TRIP12: variants seen among roughly 807,000 people sequenced by gnomAD.
TRIP12 encodes the protein thyroid hormone receptor interactor 12.
Under a neutral mutation model 244.2 loss-of-function variants are expected in TRIP12, and 25 were observed. That is an observed-to-expected ratio of 0.10 (90% CI 0.07 to 0.14). The LOEUF is 0.14. Among genes scored for constraint, TRIP12 ranks in the 10% least tolerant of loss-of-function variants. TRIP12 has a pLI of 1.00. For synonymous variants in TRIP12, 905 were observed against 873.1 expected, an observed-to-expected ratio of 1.04 and a Z score of -0.64; for missense variants, 1,677 against 2,486.4, an observed-to-expected ratio of 0.67 and a Z score of 6.92.
intron 6 of TRIP12, among the ~76,000 whole-genome samples, chr2:229,833,391 G>A (rs140616881): frequency 2.0e-5 from 3 of 152,226 alleles, no homozygotes; most frequent in East Asian, 1.9e-4. Flanking sequence ...GGGCTCAAGC[G>A]ATCCTCCTGC....
Position 229,814,214 on chromosome 2 carries a change from C to G in TRIP12, c.1824+19G>C, listed in dbSNP as rs533783301. Reference sequence around the variant, plus strand: ...TCTACATAAAGTGAAATGTAGTCCCCTTCAGTAACAACACTTACCGCCTGT... The same window carrying G: ...TCTACATAAAGTGAAATGTAGTCCCGTTCAGTAACAACACTTACCGCCTGT... On this transcript the variant is annotated intron_variant, in intron 12 of 41. Coordinates refer to ENST00000675903, the MANE Select transcript of TRIP12 (RefSeq NM_001348323.3). 3 of 1,610,796 alleles carry G rather than the reference C, an allele frequency of 1.9e-6. No homozygotes were observed. The highest frequency in any genetic ancestry group is 2.7e-5 in the African/African-American group (2 of 74,944).
At chr2:229,851,313 A>G (rs2058660570) in intron 4 of TRIP12, among the ~76,000 whole-genome samples, 1 of 152,066 alleles carries the variant, frequency 6.6e-6, no homozygotes, top group Non-Finnish European at 1.5e-5. Flanking sequence ...GAATGCACCA[A>G]TCGACACTCT....
At position 229,794,566 on chromosome 2, in the gene TRIP12, A is replaced by AAAATAAAT. The variant is rs148461987; in HGVS notation, c.3968+605_3968+612dup. 2.3e-4 allele frequency among the ~76,000 whole-genome samples: 34 copies of AAAATAAAT among 149,920 alleles called. No homozygotes were observed. The South Asian group carries it at 6.6e-3, about 29-fold the overall frequency. On this transcript the variant is annotated intron_variant, in intron 26 of 41. Transcript: ENST00000675903. ...GGGCAACAAAGTAAGACTCTGTCCC[A>AAAATAAAT]AAATAAATAAATAAATAAATAAATA...
intron 18 of TRIP12, 134 bp from the exon 19 acceptor site, chr2:229,804,361 A>C: frequency 2.8e-6 from 2 of 706,980 alleles, no homozygotes; most frequent in Non-Finnish European, 4.7e-6. Context: ...GAACACATGA[A>C]CTTCTATGAT....
chr2:229,791,226 C>G lies in TRIP12; in HGVS notation c.4441G>C (p.Glu1481Gln). 5.6e-6 allele frequency: 9 copies of G among 1,614,056 alleles called. No individual in the cohort carries two copies. Among genetic ancestry groups the G allele is most frequent in the Non-Finnish European group, 7.6e-6 (9 of 1,179,964 alleles). ...CCACCAACACAATCTTTATTACTTT[C>G]TTCATCCTCTCTCACAGGTTTATAC... ...IWYKPVREDEESNKDCVGGKR... is the reference protein window; with the variant it reads ...IWYKPVREDEQSNKDCVGGKR... The change falls in exon 30 of 42, where the codon GAA becomes CAA. Residue 1481 changes from glutamate to glutamine, a missense_variant. Transcript: ENST00000675903.
At position 229,914,363 on chromosome 2, in the gene TRIP12, G is replaced by A. The variant is rs564330139; in HGVS notation, c.-50+7517C>T. On this transcript the variant is annotated intron_variant, in intron 1 of 41. Coordinates refer to ENST00000675903, the MANE Select transcript of TRIP12 (RefSeq NM_001348323.3). ...TGATTGCAGCCAAGGATGTAAAACAGAATTACGAAACACTGGGGTCTGAGA... is the reference window on the plus strand; with the variant it reads ...TGATTGCAGCCAAGGATGTAAAACAAAATTACGAAACACTGGGGTCTGAGA... Among the ~76,000 whole-genome samples the A allele has an allele frequency of 3.0e-4, 46 of 152,298 alleles. 1 individual carries two copies. Among genetic ancestry groups the A allele is most frequent in the African/African-American group, 1.0e-3 (42 of 41,550 alleles).
chr2:229,800,890 C>T (rs1458442577), intron 21 of TRIP12, among the ~76,000 whole-genome samples: 1 of 151,926 alleles, frequency 6.6e-6, no homozygotes, highest in Non-Finnish European at 1.5e-5. Context: ...AGAGCAAGAC[C>T]CCATGCTGTG....
At chr2:229,904,463 A>AT (rs1269895790) in intron 1 of TRIP12, among the ~76,000 whole-genome samples, 1 of 151,862 alleles carries the variant, frequency 6.6e-6, no homozygotes, top group Non-Finnish European at 1.5e-5. Context: ...AAAGGGAAAG[A>AT]TTTTAACAAT....
At chr2:229,803,112 G>A (rs150292681) in intron 20 of TRIP12, among the ~76,000 whole-genome samples, 17 of 152,326 alleles carry the variant, frequency 1.1e-4, no homozygotes, top group Admixed American at 5.9e-4. Context: ...TATATTTAAC[G>A]TGAGTGAATG....
chr2:229,829,446 C>T lies in TRIP12; in HGVS notation c.1355-158G>A, dbSNP rs143692039. Among the ~76,000 whole-genome samples, 102 of 152,278 alleles carry T rather than the reference C, an allele frequency of 6.7e-4. No individual in the cohort carries two copies. The East Asian group carries it at 0.017, about 25-fold the overall frequency. On this transcript the variant is annotated intron_variant, in intron 7 of 41. Transcript: ENST00000675903. Reference sequence around the variant, plus strand: ...GAGAAGCTACAAACTTTCAAGACCACCCTAATATATTAAATCAGTGCCAGC... The same window carrying T: ...GAGAAGCTACAAACTTTCAAGACCATCCTAATATATTAAATCAGTGCCAGC...
At chr2:229,871,528 C>A (rs2062603747) in intron 2 of TRIP12, among the ~76,000 whole-genome samples, 1 of 152,124 alleles carries the variant, frequency 6.6e-6, no homozygotes, top group African/African-American at 2.4e-5. Context: ...CCTCCCCACC[C>A]CTTGCTCCCA....
chr2:229,805,246 C>CAACAACAACAAA (rs770905482), intron 18 of TRIP12, among the ~76,000 whole-genome samples: 7 of 151,900 alleles, frequency 4.6e-5, no homozygotes, highest in East Asian at 1.9e-4. Context: ...ACAACAACAA[C>CAACAACAACAAA]AAAAATATTT....
rs941684292 is a variant in TRIP12 at position 229,765,704 on chromosome 2, A to G, written c.*1850T>C. Reference sequence around the variant, plus strand: ...ACAAAAATCCTTGTGCTTAATTTGCAGGAAGATATCAGAACAGTTGAAAAC... The same window carrying G: ...ACAAAAATCCTTGTGCTTAATTTGCGGGAAGATATCAGAACAGTTGAAAAC... On this transcript the variant is annotated 3_prime_UTR_variant, in exon 42 of 42. Transcript: ENST00000675903. The G allele has an allele frequency of 2.0e-5, 3 of 152,252 alleles. No individual in the cohort carries two copies. The highest frequency in any genetic ancestry group is 4.4e-5 in the Non-Finnish European group (3 of 68,034). 9.4% of individuals were successfully genotyped at this position (152,252 alleles called of 1,614,324 possible).
At chr2:229,767,838 A>G in intron 41 of TRIP12, 88 bp from the exon 42 acceptor site, 1 of 1,270,238 alleles carries the variant, frequency 7.9e-7, no homozygotes, top group East Asian at 2.4e-5. Flanking sequence ...GCCGTACAAT[A>G]TTACACACAA....
At chr2:229,895,778 G>A (rs967226306) in intron 1 of TRIP12, among the ~76,000 whole-genome samples, 1 of 151,858 alleles carries the variant, frequency 6.6e-6, no homozygotes, top group South Asian at 2.1e-4. Context: ...TAAATGATAT[G>A]AATCCACAGA....
intron 33 of TRIP12, among the ~76,000 whole-genome samples, chr2:229,786,359 T>C (rs1265021619): frequency 1.3e-5 from 2 of 151,306 alleles, no homozygotes; most frequent in Non-Finnish European, 2.9e-5. Flanking sequence ...CCAATATCAG[T>C]GCTTATGGAA....
chr2:229,874,308 G>A (rs921362436), intron 2 of TRIP12, among the ~76,000 whole-genome samples: 1 of 152,052 alleles, frequency 6.6e-6, no homozygotes, highest in Non-Finnish European at 1.5e-5. Context: ...CTAGGATTTG[G>A]CAAAATGAGG....
chr2:229,846,407 G>C (rs1310199131), intron 4 of TRIP12, among the ~76,000 whole-genome samples: 1 of 152,144 alleles, frequency 6.6e-6, no homozygotes, highest in Non-Finnish European at 1.5e-5. Context: ...CTAAGGCTCA[G>C]ATGATCATTA....
chr2:229,821,687 T>TA (rs932213370), intron 8 of TRIP12, among the ~76,000 whole-genome samples: 11 of 152,256 alleles, frequency 7.2e-5, no homozygotes, highest in African/African-American at 2.6e-4. Context: ...ACAGGTAGTA[T>TA]AAAAACAAGC....
Sources: gnomAD v4.1 joint callset for allele counts (sites outside exome capture counted in the v4.1 genomes callset) on GRCh38, gnomAD v4.1.1 for gene constraint, MANE v1.5 for transcripts, NCBI Gene and HGNC (gene_info 2026-07-23, HGNC 2026-07-21) for gene names.